The following AGMO variants were observed in gnomAD, a reference collection of about 807,000 sequenced individuals.
The protein encoded by AGMO is glyceryl-ether monooxygenase.
Under a neutral mutation model 60.2 loss-of-function variants are expected in AGMO, and 75 were observed. That is an observed-to-expected ratio of 1.25 (90% CI 1.03 to 1.51). The LOEUF (loss-of-function observed/expected upper bound fraction) is 1.51. Ranked by LOEUF, AGMO falls within the 40% of genes most tolerant of loss-of-function variation. The pLI is 0.00. For missense variants in AGMO, 763 were observed against 525.5 expected, an observed-to-expected ratio of 1.45 and a Z score of -4.42; for synonymous variants, 261 against 177.1, an observed-to-expected ratio of 1.47 and a Z score of -3.76.
chr7:15,208,037 C>CATGATTTATAAA (rs1781486158), intron 12 of AGMO, among the ~76,000 whole-genome samples: 1 of 152,140 alleles, frequency 6.6e-6, no homozygotes, highest in African/African-American at 2.4e-5. Flanking sequence ...TTGATTATGT[C>CATGATTTATAAA]TGCGATTTAT....
At chr7:15,142,574 T>C in the AGMO span, among the ~76,000 whole-genome samples, 1 of 152,224 alleles carries the variant, frequency 6.6e-6, no homozygotes, top group African/African-American at 2.4e-5. Flanking sequence ...TTCAATTTTA[T>C]CTTTTCTCCT....
intron 12 of AGMO, among the ~76,000 whole-genome samples, chr7:15,256,517 G>A (rs1451094504): frequency 1.3e-5 from 2 of 151,906 alleles, no homozygotes; most frequent in Admixed American, 6.6e-5. Context: ...GTCGTGTGAC[G>A]TGTGTAATTT....
intron 3 of AGMO, among the ~76,000 whole-genome samples, chr7:15,437,501 A>G (rs1201596417): frequency 1.3e-5 from 2 of 150,634 alleles, no homozygotes; most frequent in Non-Finnish European, 3.0e-5. Context: ...GATAGAAACC[A>G]GGCTTCTGAA....
chr7:15,419,100 C>A (rs776762731), intron 4 of AGMO, among the ~76,000 whole-genome samples: 13 of 151,690 alleles, frequency 8.6e-5, no homozygotes, highest in Non-Finnish European at 1.6e-4. Context: ...AAATTAATTT[C>A]ATACAAGGAG....
chr7:15,138,240 G>A, the AGMO span, among the ~76,000 whole-genome samples: 3 of 152,128 alleles, frequency 2.0e-5, no homozygotes, highest in Admixed American at 2.0e-4. Context: ...CCTGGAGACA[G>A]AGCACTTTGT....
intron 6 of AGMO, 74 bp downstream of exon 6, chr7:15,394,039 A>C (rs147049004): frequency 3.6e-6 from 4 of 1,109,114 alleles, no homozygotes; most frequent in Non-Finnish European, 5.4e-6. Context: ...ATTGTGATTA[A>C]ATGAGATTAA....
At chr7:15,513,809 T>C (rs1045046983) in intron 3 of AGMO, among the ~76,000 whole-genome samples, 1 of 152,208 alleles carries the variant, frequency 6.6e-6, no homozygotes, top group Non-Finnish European at 1.5e-5. Context: ...CTCTTCAGTA[T>C]TTGACACAAA....
chr7:15,366,490 T>G (rs1485121660), intron 10 of AGMO, among the ~76,000 whole-genome samples: 2 of 152,030 alleles, frequency 1.3e-5, no homozygotes, highest in Non-Finnish European at 2.9e-5. Context: ...TTTAAAGTTT[T>G]GACTTTTATA....
chr7:15,177,999 G>A, the AGMO span, among the ~76,000 whole-genome samples: 1 of 152,048 alleles, frequency 6.6e-6, no homozygotes, highest in Non-Finnish European at 1.5e-5. Context: ...TATTCCCAAT[G>A]TCTTAATTAT....
chr7:15,561,443 C>G (rs936315933), intron 1 of AGMO, among the ~76,000 whole-genome samples: 4 of 152,178 alleles, frequency 2.6e-5, no homozygotes, highest in Non-Finnish European at 5.9e-5. Context: ...GCTACATTTA[C>G]AATGCCATGG....
chr7:15,234,234 G>A (rs1198516037), intron 12 of AGMO, among the ~76,000 whole-genome samples: 1 of 152,136 alleles, frequency 6.6e-6, no homozygotes, highest in Non-Finnish European at 1.5e-5. Flanking sequence ...CTTCCAAATT[G>A]AGGTTCATGA....
intron 12 of AGMO, among the ~76,000 whole-genome samples, chr7:15,283,314 C>A (rs1784018296): frequency 6.6e-6 from 1 of 151,812 alleles, no homozygotes; most frequent in South Asian, 2.1e-4. Context: ...CATCACAAAC[C>A]AAATATGTGC....
At chr7:15,178,485 T>A in the AGMO span, among the ~76,000 whole-genome samples, 1,763 of 152,286 alleles carry the variant, frequency 0.012, 33 homozygotes, top group African/African-American at 0.04. Context: ...TGTCTGGTTG[T>A]AGACCTTTTT....
intron 2 of AGMO, among the ~76,000 whole-genome samples, chr7:15,549,288 A>C (rs1320420369): frequency 1.3e-4 from 19 of 149,644 alleles, no homozygotes; most frequent in East Asian, 5.9e-4. Flanking sequence ...CTAACATCAT[A>C]ATGACAGGAT....
At chr7:15,256,114 G>C (rs1243609630) in intron 12 of AGMO, among the ~76,000 whole-genome samples, 2 of 152,166 alleles carry the variant, frequency 1.3e-5, no homozygotes, top group Non-Finnish European at 2.9e-5. Flanking sequence ...ATGAAAATCA[G>C]AATTTGGAGG....
intron 12 of AGMO, among the ~76,000 whole-genome samples, chr7:15,204,400 G>A (rs1409719697): frequency 1.3e-5 from 2 of 152,020 alleles, no homozygotes; most frequent in Non-Finnish European, 2.9e-5. Context: ...TCAAATATTT[G>A]TTAAATAAAT....
At chr7:15,379,922 C>A (rs1306753836) in intron 10 of AGMO, among the ~76,000 whole-genome samples, 2 of 151,970 alleles carry the variant, frequency 1.3e-5, no homozygotes, top group Admixed American at 6.6e-5. Flanking sequence ...TATGATTATC[C>A]CAATAGATGC....
intron 12 of AGMO, among the ~76,000 whole-genome samples, chr7:15,334,518 T>A (rs969999637): frequency 2.0e-5 from 3 of 152,140 alleles, no homozygotes; most frequent in African/African-American, 4.8e-5. Context: ...GGCAGTAGAT[T>A]ATTTCTTCAT....
At chr7:15,232,801 G>GCGCACACACACA (rs1554398737) in intron 12 of AGMO, among the ~76,000 whole-genome samples, 13 of 147,126 alleles carry the variant, frequency 8.8e-5, no homozygotes, top group East Asian at 8.2e-4. Flanking sequence ...ACACACACAC[G>GCGCACACACACA]CACACACACA....
Sources: allele counts gnomAD v4.1 joint callset (sites outside exome capture counted in the v4.1 genomes callset), GRCh38; gene constraint gnomAD v4.1.1; transcripts MANE v1.5; gene names NCBI Gene and HGNC (gene_info 2026-07-23, HGNC 2026-07-21).